Variants in TRAPPC8 observed in about 807,000 individuals in gnomAD.
The protein encoded by TRAPPC8 is trafficking protein particle complex subunit 8, also known as general sporulation gene 1 homolog.
TRAPPC8 carries 54 observed loss-of-function variants against 174.3 expected under a neutral mutation model. That is an observed-to-expected ratio of 0.31 (90% CI 0.25 to 0.39). The LOEUF (loss-of-function observed/expected upper bound fraction) is 0.39. Ranked by LOEUF, TRAPPC8 falls within the 10% of genes least tolerant of loss-of-function variation. The pLI, the probability that TRAPPC8 is intolerant of heterozygous loss-of-function variation, is 1.00. For missense variants in TRAPPC8, 1,531 were observed against 1,699.1 expected (o/e 0.90, Z 1.74); for synonymous variants, 630 against 579.9 (o/e 1.09, Z -1.24).
intron 12 of TRAPPC8, among the ~76,000 whole-genome samples, chr18:31,880,522 C>T (rs1291979015): frequency 6.6e-6 from 1 of 151,972 alleles, no homozygotes; most frequent in Non-Finnish European, 1.5e-5. Flanking sequence ...CCATATATGA[C>T]AAACTCACAG....
At chr18:31,862,572 A>G (rs1418535711) in intron 19 of TRAPPC8, among the ~76,000 whole-genome samples, 1 of 152,144 alleles carries the variant, frequency 6.6e-6, no homozygotes, top group Non-Finnish European at 1.5e-5. Context: ...CATTTGGGTC[A>G]GTCCATAAGT....
chr18:31,855,057 C>T (rs2033928955), intron 21 of TRAPPC8, among the ~76,000 whole-genome samples: 1 of 150,612 alleles, frequency 6.6e-6, no homozygotes, highest in African/African-American at 2.5e-5. Context: ...AAAAAATGAG[C>T]CAGGCATGGT....
chr18:31,908,558 G>A, intron 7 of TRAPPC8, 140 bp from the exon 8 acceptor site: 1 of 857,136 alleles, frequency 1.2e-6, no homozygotes. Flanking sequence ...CCAATATGCT[G>A]GCAAAATCCT....
intron 2 of TRAPPC8, among the ~76,000 whole-genome samples, chr18:31,920,232 T>C (rs995905105): frequency 5.9e-5 from 9 of 152,246 alleles, no homozygotes; most frequent in African/African-American, 2.2e-4. Context: ...ATTATAGTCA[T>C]ATGAAATTGG....
At chr18:31,933,748 T>C (rs1188616629) in intron 1 of TRAPPC8, among the ~76,000 whole-genome samples, 1 of 152,144 alleles carries the variant, frequency 6.6e-6, no homozygotes, top group East Asian at 1.9e-4. Context: ...TAAAGTTATA[T>C]GCATACAAAC....
At chr18:31,891,031 A>G in intron 11 of TRAPPC8, 165 bp from the exon 12 acceptor site, 1 of 452,690 alleles carries the variant, frequency 2.2e-6, no homozygotes, top group Non-Finnish European at 3.5e-6. Context: ...GATTTTTCCA[A>G]TAAACACAAA....
intron 18 of TRAPPC8, among the ~76,000 whole-genome samples, chr18:31,865,441 T>C (rs1399429251): frequency 6.6e-6 from 1 of 152,056 alleles, no homozygotes; most frequent in Non-Finnish European, 1.5e-5. Context: ...GTCACTGTAA[T>C]AATCTCAAGC....
chr18:31,835,819 C>A (rs2032680013), intron 27 of TRAPPC8, among the ~76,000 whole-genome samples: 1 of 152,172 alleles, frequency 6.6e-6, no homozygotes, highest in South Asian at 2.1e-4. Flanking sequence ...TTGATGCAAG[C>A]AAAAGTCTTA....
At chr18:31,935,137 G>A (rs189359297) in intron 1 of TRAPPC8, among the ~76,000 whole-genome samples, 2 of 151,486 alleles carry the variant, frequency 1.3e-5, no homozygotes, top group African/African-American at 4.8e-5. Context: ...CTGAGGTTGG[G>A]AGTTCAAAAC....
intron 4 of TRAPPC8, among the ~76,000 whole-genome samples, chr18:31,914,392 C>T (rs1441920400): frequency 6.6e-6 from 1 of 152,142 alleles, no homozygotes; most frequent in Non-Finnish European, 1.5e-5. Flanking sequence ...TACTGCTAAA[C>T]CTAAGAACCA....
intron 24 of TRAPPC8, among the ~76,000 whole-genome samples, chr18:31,850,950 A>C (rs1568043324): frequency 6.6e-6 from 1 of 152,204 alleles, no homozygotes; most frequent in African/African-American, 2.4e-5. Flanking sequence ...ACTAAATTCA[A>C]CTATTCAGGA....
Position 31,900,909 on chromosome 18 carries a change from T to C in TRAPPC8, c.1490+16A>G. 1 of 1,562,884 alleles carries C rather than the reference T, an allele frequency of 6.4e-7. No individual in the cohort carries two copies. The highest frequency in any genetic ancestry group is 8.6e-7 in the Non-Finnish European group (1 of 1,158,704). ...CCTTTAACTGGATACAATATAAATC[T>C]TATATAGTCACCTACTTGCAGATAT... On this transcript the variant is annotated intron_variant, in intron 10 of 28. Coordinates refer to ENST00000283351, the MANE Select transcript of TRAPPC8 (RefSeq NM_014939.5).
chr18:31,857,186 G>A (rs1713633707), intron 20 of TRAPPC8, among the ~76,000 whole-genome samples: 1 of 152,126 alleles, frequency 6.6e-6, no homozygotes, highest in Admixed American at 6.6e-5. Context: ...AAGGATGACT[G>A]AGACGACCAG....
At chr18:31,854,046 AATTAACATAAGATGCAATTACAAT>A (rs1410683811) in intron 21 of TRAPPC8, 101 bp from the exon 22 acceptor site, 2 of 855,522 alleles carry the variant, frequency 2.3e-6, no homozygotes, top group Non-Finnish European at 3.6e-6. Flanking sequence ...AGTCAATGTC[AATTAACATAAGATGCAATTACAAT>A]ATACATTTCC....
At chr18:31,843,372 A>G (rs970886575) in intron 26 of TRAPPC8, among the ~76,000 whole-genome samples, 7 of 152,222 alleles carry the variant, frequency 4.6e-5, no homozygotes, top group South Asian at 2.1e-4. Context: ...AAGCACACAT[A>G]TAAGTTCTGG....
intron 2 of TRAPPC8, among the ~76,000 whole-genome samples, chr18:31,921,615 T>A (rs1317564351): frequency 7.2e-6 from 1 of 138,414 alleles, no homozygotes; most frequent in Non-Finnish European, 1.5e-5. Context: ...CGAGACTCCG[T>A]CTCAAAAAAA....
chr18:31,871,601 T>C (rs28473031), intron 14 of TRAPPC8, among the ~76,000 whole-genome samples: 6,134 of 152,222 alleles, frequency 0.04, 348 homozygotes, highest in African/African-American at 0.12. Flanking sequence ...AAGTGTATCA[T>C]TTTCATCCAT....
At chr18:31,910,240 C>G (rs2036851156) in intron 5 of TRAPPC8, among the ~76,000 whole-genome samples, 1 of 151,960 alleles carries the variant, frequency 6.6e-6, no homozygotes. Flanking sequence ...ATATCTAACG[C>G]AACGTTTATT....
intron 9 of TRAPPC8, among the ~76,000 whole-genome samples, chr18:31,907,171 T>C (rs1313893915): frequency 6.6e-6 from 1 of 152,212 alleles, no homozygotes; most frequent in East Asian, 1.9e-4. Context: ...TTTTTAAAGA[T>C]GCAATCTTAC....
Sources: allele counts gnomAD v4.1 joint callset (sites outside exome capture counted in the v4.1 genomes callset), GRCh38; gene constraint gnomAD v4.1.1; transcripts MANE v1.5; gene names NCBI Gene and HGNC (gene_info 2026-07-23, HGNC 2026-07-21).